Variants in QSER1 observed in about 807,000 individuals in gnomAD.
QSER1 encodes the protein glutamine and serine-rich protein 1.
QSER1 carries 49 observed loss-of-function variants against 158.5 expected under a neutral mutation model. The ratio of observed to expected loss-of-function variants is 0.31; its 90% CI spans 0.25 to 0.39. The LOEUF (loss-of-function observed/expected upper bound fraction) is 0.39. Ranked by LOEUF, QSER1 falls within the 10% of genes least tolerant of loss-of-function variation. The pLI, the probability that QSER1 is intolerant of heterozygous loss-of-function variation, is 1.00. For synonymous variants in QSER1, 650 were observed against 715.5 expected (o/e 0.91, Z 1.46); for missense variants, 1,754 against 2,010.3 (o/e 0.87, Z 2.44).
Position 32,973,384 on chromosome 11 carries a change from C to T in QSER1, c.5206-13C>T, listed in dbSNP as rs1463580767. The T allele has an allele frequency of 2.0e-5, 33 of 1,612,360 alleles. No homozygotes were observed. Among genetic ancestry groups the T allele is most frequent in the Non-Finnish European group, 2.6e-5 (31 of 1,179,444 alleles). ...TCTTCTGGTGTCAGTTATTTTGCTT[C>T]ATTGTTTTCCAGAATGCTTTGGAAA... On this transcript the variant is annotated splice_polypyrimidine_tract_variant and intron_variant, in intron 10 of 12. Coordinates refer to ENST00000650167, the MANE Select transcript of QSER1 (RefSeq NM_001076786.3).
chr11:32,956,152 C>CAT (rs778406337), intron 7 of QSER1, 31 bp downstream of exon 7: 36 of 1,558,490 alleles, frequency 2.3e-5, no homozygotes, highest in Non-Finnish European at 3.1e-5. Context: ...TATATTTGTG[C>CAT]ATATATATAG....
intron 10 of QSER1, among the ~76,000 whole-genome samples, chr11:32,972,062 C>CAA (rs60529699): frequency 4.5e-5 from 5 of 110,692 alleles, no homozygotes; most frequent in East Asian, 3.0e-4. Context: ...GACTCCATCT[C>CAA]AAAAAAAAAA....
rs1316447386 is a variant in QSER1 at position 32,956,046 on chromosome 11, T to C, written c.4676T>C (p.Ile1559Thr). ...SKYKRIYVKF[I>T]ENANKKEYVR... The stretch of plus-strand genomic sequence containing the variant: ...TACAAAAGAATATATGTGAAGTTCA[T>C]TGAAAATGCAAACAAGAAGGAATAT... The change falls in exon 7 of 13, where the codon ATT becomes ACT. Residue 1559 changes from isoleucine to threonine, a missense_variant. By Grantham distance (89) the Ile-to-Thr change is moderately conservative. Around this residue, in one of 2 missense-constraint regions of QSER1, gnomAD observed 1,707 missense variants for 1,919.6 expected, o/e 0.89. Coordinates refer to ENST00000650167, the MANE Select transcript of QSER1 (RefSeq NM_001076786.3). 6.2e-6 allele frequency: 10 copies of C among 1,609,620 alleles called. No individual in the cohort carries two copies. The highest frequency in any genetic ancestry group is 5.5e-5 in the South Asian group (5 of 90,944).
At chr11:32,901,078 G>A (rs1041838096) in intron 1 of QSER1, among the ~76,000 whole-genome samples, 2 of 152,186 alleles carry the variant, frequency 1.3e-5, no homozygotes, top group African/African-American at 4.8e-5. Context: ...CATAAGCTCT[G>A]GAGTTATAAT....
At chr11:32,946,370 A>T in intron 4 of QSER1, among the ~76,000 whole-genome samples, 1 of 151,726 alleles carries the variant, frequency 6.6e-6, no homozygotes, top group East Asian at 1.9e-4. Context: ...TTGTGGTTTT[A>T]TCTACTTTTG....
chr11:32,957,148 T>C (rs1218487196), intron 7 of QSER1, among the ~76,000 whole-genome samples: 4 of 147,638 alleles, frequency 2.7e-5, no homozygotes, highest in Non-Finnish European at 6.0e-5. Context: ...TTTTTTTTTT[T>C]TTCTTTTTTT....
intron 4 of QSER1, among the ~76,000 whole-genome samples, chr11:32,941,872 TCCA>T: frequency 6.6e-6 from 1 of 151,760 alleles, no homozygotes; most frequent in East Asian, 1.9e-4. Context: ...TTCCTATTTC[TCCA>T]CATCCTCTCC....
chr11:32,956,720 C>T (rs78376587), intron 7 of QSER1, among the ~76,000 whole-genome samples: 2,828 of 152,226 alleles, frequency 0.019, 44 homozygotes, highest in South Asian at 0.038. Context: ...CTGGAAGCAG[C>T]TTACCTTATT....
In QSER1 at chr11:32,933,834, C is replaced by T; in HGVS notation, c.2576C>T (p.Ala859Val). 6.2e-7 allele frequency: 1 copy of T among 1,613,324 alleles called. No homozygotes were observed. Among genetic ancestry groups the T allele is most frequent in the Non-Finnish European group, 8.5e-7 (1 of 1,179,694 alleles). ...LPNTQVLLDS[A>V]CDLQILQQSI... ...AATACACAGGTCCTTTTAGATTCTGCCTGTGATTTACAAATTCTTCAGCAG... is the reference window on the plus strand; with the variant it reads ...AATACACAGGTCCTTTTAGATTCTGTCTGTGATTTACAAATTCTTCAGCAG... Residue 859 changes from alanine to valine, a missense_variant, in exon 4 of 13, where the codon GCC becomes GTC. Transcript: ENST00000650167.
intron 1 of QSER1, among the ~76,000 whole-genome samples, chr11:32,924,782 G>A (rs189369623): frequency 1.2e-3 from 182 of 146,612 alleles, no homozygotes; most frequent in African/African-American, 4.3e-3. Context: ...TACATGTGCA[G>A]GTTTGTTACA....
intron 10 of QSER1, among the ~76,000 whole-genome samples, chr11:32,970,145 T>C (rs1852825622): frequency 6.6e-6 from 1 of 152,236 alleles, no homozygotes; most frequent in African/African-American, 2.4e-5. Context: ...TTTTAATTGA[T>C]GGTAACAATA....
At chr11:32,911,054 C>G (rs2133507498) in intron 1 of QSER1, among the ~76,000 whole-genome samples, 1 of 152,318 alleles carries the variant, frequency 6.6e-6, no homozygotes, top group East Asian at 1.9e-4. Flanking sequence ...CTCTAGCTGT[C>G]TAATCTTACT....
intron 1 of QSER1, among the ~76,000 whole-genome samples, chr11:32,921,563 G>A (rs1284943299): frequency 6.6e-6 from 1 of 152,052 alleles, no homozygotes; most frequent in Non-Finnish European, 1.5e-5. Flanking sequence ...AAGACACTTA[G>A]GGATAAATTT....
At chr11:32,923,604 G>A (rs12793563) in intron 1 of QSER1, among the ~76,000 whole-genome samples, 1 of 149,220 alleles carries the variant, frequency 6.7e-6, no homozygotes, top group African/African-American at 2.5e-5. Flanking sequence ...CTTGAACCTA[G>A]GAGGTGGAGG....
At position 32,977,160 on chromosome 11, in the gene QSER1, A is replaced by T. The variant is rs1213499407; in HGVS notation, c.*686A>T. ...CGCAAAGAAAAGTATTTTCGTTTAT[A>T]CTGTTTTTTCCTTTGGAAAATTTTC... On this transcript the variant is annotated 3_prime_UTR_variant, in exon 13 of 13. Coordinates refer to ENST00000650167, the MANE Select transcript of QSER1 (RefSeq NM_001076786.3). The T allele has an allele frequency of 6.6e-6, 1 of 152,552 alleles. No individual in the cohort carries two copies. The highest frequency in any genetic ancestry group is 1.5e-5 in the Non-Finnish European group (1 of 68,022). The allele number at this position is 152,552 out of a possible 1,614,324, so 9.4% of individuals were successfully genotyped here.
chr11:32,969,765 A>G (rs1590188307), intron 10 of QSER1, among the ~76,000 whole-genome samples: 1 of 149,424 alleles, frequency 6.7e-6, no homozygotes, highest in Admixed American at 6.7e-5. Flanking sequence ...GCTCGCTGCA[A>G]CCTCTGCCTC....
chr11:32,954,957 T>G (rs1286110142), intron 5 of QSER1, among the ~76,000 whole-genome samples: 1 of 152,242 alleles, frequency 6.6e-6, no homozygotes, highest in Non-Finnish European at 1.5e-5. Context: ...TTTTAATGTA[T>G]TTGTTTATGG....
At chr11:32,943,316 T>G (rs949638378) in intron 4 of QSER1, among the ~76,000 whole-genome samples, 7 of 147,860 alleles carry the variant, frequency 4.7e-5, no homozygotes, top group African/African-American at 1.7e-4. Flanking sequence ...TGTGCCAGTT[T>G]TCAAAGGGAA....
In QSER1 at chr11:32,893,160, AGCCGCC is replaced by A. The variant is rs533283881; in HGVS notation, c.51_56del (p.Pro18_Pro19del). 5.7e-4 allele frequency: 67 copies of A among 117,760 alleles called. No homozygotes were observed. The highest frequency in any genetic ancestry group is 1.8e-3 in the African/African-American group (53 of 30,114). 7.3% of individuals were successfully genotyped at this position (117,760 alleles called of 1,614,324 possible). A position where few individuals can be genotyped will look rare whatever the true frequency, so the allele number is the denominator to read the frequency against. On this transcript the variant is annotated inframe_deletion, in exon 1 of 13. Coordinates refer to ENST00000650167, the MANE Select transcript of QSER1 (RefSeq NM_001076786.3). This position sits in a 1 kb window ranked among gnomAD's most constrained non-coding sequence, Gnocchi z 4.7. ...AACTACGCGACCTCGGGCTTCACCG[AGCCGCC>A]GCCGCCGCCGCCGCCCGCGCCCCCC...
Sources: allele counts gnomAD v4.1 joint callset (sites outside exome capture counted in the v4.1 genomes callset), GRCh38; gene constraint gnomAD v4.1.1; regional missense constraint gnomAD v4.1.1; non-coding constraint Gnocchi (gnomAD v3.1); transcripts MANE v1.5; gene names NCBI Gene and HGNC (gene_info 2026-07-23, HGNC 2026-07-21).